CELF2: variants seen among roughly 807,000 people sequenced by gnomAD.
CELF2 encodes CUG triplet repeat RNA-binding protein 2.
CELF2 carries 8 observed loss-of-function variants against 62.6 expected under a neutral mutation model. The observed-to-expected ratio is 0.13, with a 90% CI of 0.07 to 0.23. The LOEUF is 0.23. Among genes scored for constraint, CELF2 ranks in the 10% least tolerant of loss-of-function variants. The pLI is 1.00. For missense variants in CELF2, 333 were observed against 671.0 expected (o/e 0.50, Z 5.56); for synonymous variants, 258 against 250.0 (o/e 1.03, Z -0.30).
At position 10,997,764 on chromosome 10, in the gene CELF2, G is replaced by A. The variant is rs1266368971; in HGVS notation, c.89+77765G>A. Among the ~76,000 whole-genome samples, 5 of 152,120 alleles carry A rather than the reference G, an allele frequency of 3.3e-5. No homozygotes were observed. The highest frequency in any genetic ancestry group is 7.2e-5 in the African/African-American group (3 of 41,426). ...TGACAAAGAAAAGAACCTCCCTCACGGGCCCCGTAGTCGCTCACTTGTAGG... is the reference window on the plus strand; with the variant it reads ...TGACAAAGAAAAGAACCTCCCTCACAGGCCCCGTAGTCGCTCACTTGTAGG... On this transcript the variant is annotated intron_variant, in intron 2 of 13. Coordinates refer to the CELF2 transcript ENST00000636488. This position sits in a 1 kb window ranked among gnomAD's most constrained non-coding sequence, Gnocchi z 5.3.
At chr10:10,524,782 T>A in the CELF2 span, among the ~76,000 whole-genome samples, 1 of 152,182 alleles carries the variant, frequency 6.6e-6, no homozygotes. Flanking sequence ...TTTTCAAACT[T>A]TGGATGAAAT....
At chr10:10,551,499 C>A in the CELF2 span, among the ~76,000 whole-genome samples, 1 of 151,788 alleles carries the variant, frequency 6.6e-6, no homozygotes, top group Non-Finnish European at 1.5e-5. Context: ...TGGACCCCCT[C>A]CCCCCCAGTC....
At chr10:10,732,975 A>T in the CELF2 span, among the ~76,000 whole-genome samples, 1 of 152,244 alleles carries the variant, frequency 6.6e-6, no homozygotes, top group African/African-American at 2.4e-5. Context: ...ACAGCTGCTG[A>T]TGTGAACTTC....
At chr10:11,084,878 C>T (rs1175260214) in intron 1 of CELF2, among the ~76,000 whole-genome samples, 2 of 152,146 alleles carry the variant, frequency 1.3e-5, no homozygotes, top group Admixed American at 6.5e-5. Flanking sequence ...TCAGTATATA[C>T]GCTTTTAAAT....
At chr10:11,054,479 G>GTA (rs369087616) in intron 1 of CELF2, among the ~76,000 whole-genome samples, 2 of 101,486 alleles carry the variant, frequency 2.0e-5, no homozygotes, top group South Asian at 3.1e-4. Flanking sequence ...AAACAACTGT[G>GTA]TATGTGTGTT....
chr10:10,581,298 C>T, the CELF2 span, among the ~76,000 whole-genome samples: 1 of 152,134 alleles, frequency 6.6e-6, no homozygotes, highest in Admixed American at 6.5e-5. Context: ...TTAGAAATAG[C>T]TGATTGTTTG....
chr10:10,745,058 C>T, the CELF2 span, among the ~76,000 whole-genome samples: 1 of 151,210 alleles, frequency 6.6e-6, no homozygotes, highest in East Asian at 1.9e-4. Flanking sequence ...AACGTTTCTT[C>T]CATGAAAGAT....
At chr10:10,870,910 TC>T (rs2060699373) in intron 1 of CELF2, among the ~76,000 whole-genome samples, 1 of 152,188 alleles carries the variant, frequency 6.6e-6, no homozygotes, top group African/African-American at 2.4e-5. Context: ...TGTTATTTTC[TC>T]TAGACATTAC....
rs1333104885 is a variant in CELF2, at chr10:11,335,980, C to G, written c.*6927C>G. 1 of 152,226 alleles carries G rather than the reference C, an allele frequency of 6.6e-6. No homozygotes were observed. Among genetic ancestry groups the G allele is most frequent in the East Asian group, 1.9e-4 (1 of 5,194 alleles). The allele number at this position is 152,226 out of a possible 1,614,324, so 9.4% of individuals were successfully genotyped here. A position where few individuals can be genotyped will look rare whatever the true frequency, so the allele number is the denominator to read the frequency against. On this transcript the variant is annotated 3_prime_UTR_variant, in exon 13 of 13. Coordinates refer to ENST00000633077, the MANE Select transcript of CELF2 (RefSeq NM_001326342.2). This position sits in a 1 kb window ranked among gnomAD's most constrained non-coding sequence, Gnocchi z 5.0. ...GTTGGTCCCTGCTTAAATTCATACC[C>G]ATAGTTTTGAGTCGGTATGACACCA...
At chr10:10,715,632 G>C in the CELF2 span, among the ~76,000 whole-genome samples, 3 of 152,106 alleles carry the variant, frequency 2.0e-5, no homozygotes, top group Admixed American at 6.5e-5. Flanking sequence ...CATTCCCAAG[G>C]CATTATCCAA....
At chr10:10,823,539 G>C (rs912022725) in intron 1 of CELF2, among the ~76,000 whole-genome samples, 9 of 152,074 alleles carry the variant, frequency 5.9e-5, no homozygotes, top group African/African-American at 1.7e-4. Context: ...TGTTATCTGA[G>C]CTGTGTCTGT....
At chr10:11,118,075 T>A (rs2056951010) in intron 1 of CELF2, among the ~76,000 whole-genome samples, 1 of 152,206 alleles carries the variant, frequency 6.6e-6, no homozygotes, top group Non-Finnish European at 1.5e-5. Context: ...AAAGCTATTT[T>A]TTTTTTAGTT....
chr10:10,935,838 C>G (rs2046326231), intron 2 of CELF2, among the ~76,000 whole-genome samples: 1 of 151,996 alleles, frequency 6.6e-6, no homozygotes, highest in Non-Finnish European at 1.5e-5. Flanking sequence ...TATGCATGTG[C>G]CTTCTAGTTG....
chr10:10,475,627 A>C, the CELF2 span, among the ~76,000 whole-genome samples: 2 of 152,116 alleles, frequency 1.3e-5, no homozygotes, highest in Non-Finnish European at 2.9e-5. Flanking sequence ...GATGAAGAAC[A>C]TGTCATGCAG....
chr10:11,195,973 A>G lies in CELF2; in HGVS notation c.272-21452A>G, dbSNP rs145880621. Among the ~76,000 whole-genome samples the G allele has an allele frequency of 2.9e-3, 444 of 151,740 alleles. 1 individual carries two copies. Among genetic ancestry groups the G allele is most frequent in the African/African-American group, 0.01 (420 of 41,490 alleles). The stretch of plus-strand genomic sequence containing the variant: ...CTCTTTTTTTGAACATGGCAAAACA[A>G]AGTATTCATTTAAACCTCCTTTGTC... On this transcript the variant is annotated intron_variant, in intron 2 of 12. Transcript: ENST00000633077.
chr10:10,791,603 T>C, the CELF2 span, among the ~76,000 whole-genome samples: 1 of 152,216 alleles, frequency 6.6e-6, no homozygotes, highest in Admixed American at 6.5e-5. Flanking sequence ...TGGATATAGT[T>C]TCTATTCATC....
At chr10:10,885,800 A>C (rs1404464394) in intron 1 of CELF2, among the ~76,000 whole-genome samples, 1 of 152,162 alleles carries the variant, frequency 6.6e-6, no homozygotes, top group Non-Finnish European at 1.5e-5. Context: ...TCCATCTTCA[A>C]AGCCAGCAGT....
intron 1 of CELF2, among the ~76,000 whole-genome samples, chr10:11,137,884 A>G (rs1427985849): frequency 6.6e-6 from 1 of 152,206 alleles, no homozygotes. Flanking sequence ...TTCCCTTGTA[A>G]TGTGTACCCA....
rs559299159 is a variant in CELF2 at position 11,021,738 on chromosome 10, A to G, written c.74+3575A>G. ...ATGGCAAAACTGTGGTTTTCAAGTA[A>G]GTGAACACATGTGGGGTGGCATGTA... is the stretch of plus-strand genomic sequence containing the variant. On this transcript the variant is annotated intron_variant, in intron 1 of 12. Transcript: ENST00000633077. 5.3e-5 allele frequency among the ~76,000 whole-genome samples: 8 copies of G among 152,338 alleles called. No individual in the cohort carries two copies. The South Asian group carries it at 1.5e-3, about 28-fold the overall frequency.
Sources: allele counts gnomAD v4.1 joint callset (sites outside exome capture counted in the v4.1 genomes callset), GRCh38; gene constraint gnomAD v4.1.1; non-coding constraint Gnocchi (gnomAD v3.1); transcripts MANE v1.5; gene names NCBI Gene and HGNC (gene_info 2026-07-23, HGNC 2026-07-21).